Variants in TFCP2 observed in about 807,000 individuals in gnomAD.
TFCP2 encodes the protein alpha-globin transcription factor CP2.
TFCP2 carries 33 observed loss-of-function variants against 73.4 expected under a neutral mutation model. The observed-to-expected ratio is 0.45, with a 90% CI of 0.34 to 0.60. The LOEUF (loss-of-function observed/expected upper bound fraction) is 0.60. Among genes scored for constraint, TFCP2 ranks in the 20% least tolerant of loss-of-function variants. The probability of loss-of-function intolerance (pLI) is 0.01; values close to 1 mark genes in which losing one functional copy is unlikely to be tolerated. For synonymous variants in TFCP2, 193 were observed against 211.6 expected, an observed-to-expected ratio of 0.91 and a Z score of 0.76; for missense variants, 352 against 604.0, an observed-to-expected ratio of 0.58 and a Z score of 4.37.
intron 1 of TFCP2, among the ~76,000 whole-genome samples, chr12:51,163,886 T>C (rs925252116): frequency 4.0e-5 from 6 of 151,594 alleles, no homozygotes; most frequent in African/African-American, 1.5e-4. Context: ...AATAACAATG[T>C]TTAGAGCAGA....
intron 4 of TFCP2, among the ~76,000 whole-genome samples, chr12:51,112,235 A>G (rs1052859609): frequency 2.6e-5 from 4 of 152,250 alleles, no homozygotes; most frequent in South Asian, 2.1e-4. Flanking sequence ...GTTTCAATAC[A>G]TATAATGCAT....
intron 1 of TFCP2, chr12:51,124,508 A>AG: frequency 5.2e-6 from 2 of 380,988 alleles, no homozygotes; most frequent in Admixed American, 3.6e-5. Flanking sequence ...TTTCTGGGGT[A>AG]GGGGGGTAAG....
intron 13 of TFCP2, among the ~76,000 whole-genome samples, chr12:51,097,149 C>G (rs183298310): frequency 7.2e-5 from 11 of 152,116 alleles, no homozygotes; most frequent in Admixed American, 3.3e-4. Flanking sequence ...TTAGTAGAGA[C>G]AGGGTTTCTC....
At chr12:51,104,289 A>G in intron 8 of TFCP2, 86 bp from the exon 9 acceptor site, 1 of 1,125,226 alleles carries the variant, frequency 8.9e-7, no homozygotes, top group Middle Eastern at 2.1e-4. Context: ...AATAAATCTC[A>G]TGCTAGAGAT....
At chr12:51,104,112 T>C in intron 9 of TFCP2, 43 bp downstream of exon 9, 4 of 1,587,222 alleles carry the variant, frequency 2.5e-6, no homozygotes, top group Non-Finnish European at 3.5e-6. Context: ...CATCAAAGTA[T>C]TACCAGACAT....
intron 4 of TFCP2, among the ~76,000 whole-genome samples, chr12:51,112,866 C>CA (rs11362530): frequency 0.49 from 54,553 of 111,312 alleles, 12,595 homozygotes; most frequent in Non-Finnish European, 0.6. Flanking sequence ...GACTCTGTCT[C>CA]AAAAAAAAAA....
At chr12:51,123,068 T>C (rs1470552151) in intron 1 of TFCP2, among the ~76,000 whole-genome samples, 5 of 152,160 alleles carry the variant, frequency 3.3e-5, no homozygotes, top group African/African-American at 1.2e-4. Flanking sequence ...GGTTAATAAA[T>C]AGCAACCATT....
intron 1 of TFCP2, among the ~76,000 whole-genome samples, chr12:51,158,348 G>A (rs1941580930): frequency 6.6e-6 from 1 of 151,940 alleles, no homozygotes; most frequent in Non-Finnish European, 1.5e-5. Context: ...TATCTATTCG[G>A]TCTGTCACTG....
At chr12:51,166,884 C>T (rs971571555) in intron 1 of TFCP2, among the ~76,000 whole-genome samples, 6 of 152,144 alleles carry the variant, frequency 3.9e-5, no homozygotes, top group East Asian at 3.9e-4. Flanking sequence ...GTGGGCAGGA[C>T]GAACCTAGTT....
intron 4 of TFCP2, among the ~76,000 whole-genome samples, chr12:51,114,748 C>G (rs150675339): frequency 0.013 from 1,909 of 152,020 alleles, 109 homozygotes; most frequent in Admixed American, 0.1. Flanking sequence ...TCACAACCAT[C>G]AGGATGGATA....
Position 51,162,142 on chromosome 12 carries a change from C to T in TFCP2, c.122+10159G>A, listed in dbSNP as rs115727015. 7.6e-3 allele frequency among the ~76,000 whole-genome samples: 1,146 copies of T among 151,328 alleles called. 8 individuals carry two copies. The highest frequency in any genetic ancestry group is 0.024 in the African/African-American group (988 of 41,250). On this transcript the variant is annotated intron_variant, in intron 1 of 14. Transcript: ENST00000257915. The stretch of plus-strand genomic sequence containing the variant: ...TAAGCTAAGGAGCAGGAAAAAAAAA[C>T]GAACAAAGAAAAAGGAACAGAGGCT...
intron 8 of TFCP2, among the ~76,000 whole-genome samples, chr12:51,104,526 GA>G (rs1261726170): frequency 6.6e-6 from 1 of 151,262 alleles, no homozygotes; most frequent in Non-Finnish European, 1.5e-5. Flanking sequence ...TTACTAAGAT[GA>G]AAAATTATGA....
chr12:51,133,921 C>CAAA (rs11320779), intron 1 of TFCP2, among the ~76,000 whole-genome samples: 7 of 97,040 alleles, frequency 7.2e-5, no homozygotes, highest in African/African-American at 2.2e-4. Context: ...GACCCTGTCT[C>CAAA]AAAAAAAAAA....
chr12:51,136,976 T>C (rs1313803134), intron 1 of TFCP2, among the ~76,000 whole-genome samples: 2 of 151,948 alleles, frequency 1.3e-5, no homozygotes, highest in Non-Finnish European at 2.9e-5. Context: ...AACTATACCA[T>C]ATCTGGATTT....
At chr12:51,102,494 G>A (rs1230287918) in intron 10 of TFCP2, among the ~76,000 whole-genome samples, 1 of 152,150 alleles carries the variant, frequency 6.6e-6, no homozygotes, top group African/African-American at 2.4e-5. Flanking sequence ...GGGATGTCGA[G>A]GAGGGTGGAT....
At chr12:51,168,477 T>C (rs1941796819) in intron 1 of TFCP2, among the ~76,000 whole-genome samples, 1 of 152,064 alleles carries the variant, frequency 6.6e-6, no homozygotes, top group Admixed American at 6.6e-5. Context: ...ACTGGTGTTT[T>C]GTTTTGGTTT....
At chr12:51,111,889 G>T (rs1163874529) in intron 4 of TFCP2, among the ~76,000 whole-genome samples, 1 of 151,782 alleles carries the variant, frequency 6.6e-6, no homozygotes, top group Admixed American at 6.6e-5. Context: ...AGGCGTGGTG[G>T]CTTACACCTG....
At chr12:51,132,355 G>GTTTTTTTTTTTT (rs1276335598) in intron 1 of TFCP2, among the ~76,000 whole-genome samples, 2 of 21,466 alleles carry the variant, frequency 9.3e-5, no homozygotes, top group Admixed American at 6.8e-4. Flanking sequence ...TTAGGGATTA[G>GTTTTTTTTTTTT]TCTTTTTTTT....
intron 1 of TFCP2, among the ~76,000 whole-genome samples, chr12:51,159,201 A>T (rs1941601065): frequency 6.6e-6 from 1 of 151,602 alleles, no homozygotes; most frequent in Non-Finnish European, 1.5e-5. Flanking sequence ...AAAAGAAAAA[A>T]AAAAAGAAAT....
Sources: gnomAD v4.1 joint callset for allele counts (sites outside exome capture counted in the v4.1 genomes callset) on GRCh38, gnomAD v4.1.1 for gene constraint, MANE v1.5 for transcripts, NCBI Gene and HGNC (gene_info 2026-07-23, HGNC 2026-07-21) for gene names.